CARD10: variants seen among roughly 807,000 people sequenced by gnomAD.
The protein encoded by CARD10 is caspase recruitment domain-containing protein 10.
In CARD10, 49 loss-of-function variants were observed where a neutral mutation model predicts 114.6. That is an observed-to-expected ratio of 0.43 (90% CI 0.34 to 0.54). The LOEUF is 0.54. Ranked by LOEUF, CARD10 falls within the 20% of genes least tolerant of loss-of-function variation. The pLI is 0.03. For synonymous variants in CARD10, 602 were observed against 593.2 expected (o/e 1.01, Z -0.21); for missense variants, 1,206 against 1,397.2 (o/e 0.86, Z 2.18).
intron 3 of CARD10, among the ~76,000 whole-genome samples, chr22:37,510,846 G>A (rs576349266): frequency 1.3e-4 from 20 of 152,228 alleles, no homozygotes; most frequent in Admixed American, 6.5e-4. Flanking sequence ...AGGCTGAGGC[G>A]GGCCCTCAGT....
At position 37,504,573 on chromosome 22, in the gene CARD10, C is replaced by T; in HGVS notation, c.1518+62G>A. 17 of 1,459,944 alleles carry T rather than the reference C, an allele frequency of 1.2e-5. 1 individual carries two copies. The South Asian group carries it at 2.5e-4, about 22-fold the overall frequency. The allele number at this position is 1,459,944 out of a possible 1,614,324, so 90.4% of individuals were successfully genotyped here. A position where few individuals can be genotyped will look rare whatever the true frequency, so the allele number is the denominator to read the frequency against. On this transcript the variant is annotated intron_variant, in intron 8 of 19. Transcript: ENST00000251973. ...AAATGGATCCTTCAGAAAGCACTCT[C>T]CACATTAGTAATAATGCTATAGCAG... is the stretch of plus-strand genomic sequence containing the variant.
intron 7 of CARD10, among the ~76,000 whole-genome samples, chr22:37,505,307 A>AT (rs1331101065): frequency 4.6e-5 from 7 of 152,016 alleles, no homozygotes; most frequent in Non-Finnish European, 1.0e-4. Context: ...ATTAATGCTG[A>AT]CTTTTCCTAT....
rs373915680 is a variant in CARD10 at position 37,495,841 on chromosome 22, C to T, written c.2222G>A (p.Arg741Gln). ...ILRLVDSAYK[R>Q]RQEWFCTRVD... ...CCGGGTGCAGAACCATTCCTGCCTCCGCTTGTATGCCGAGTCCACCAGTCG... is the reference window on the plus strand; with the variant it reads ...CCGGGTGCAGAACCATTCCTGCCTCTGCTTGTATGCCGAGTCCACCAGTCG... The change falls in exon 14 of 20, where the codon CGG (arginine) becomes CAG (glutamine). Residue 741 changes from arginine to glutamine, a missense_variant. Transcript: ENST00000251973. 79 of 1,614,008 alleles carry T rather than the reference C, an allele frequency of 4.9e-5. No individual in the cohort carries two copies. The highest frequency in any genetic ancestry group is 6.4e-5 in the Non-Finnish European group (75 of 1,180,052).
rs866189318 is a variant in CARD10 at position 37,491,762 on chromosome 22, C to T, written c.2857G>A (p.Glu953Lys). The change falls in exon 19 of 20, where the codon GAA (glutamate) becomes AAA (lysine). Residue 953 changes from glutamate (E) to lysine (K), a missense_variant. Glu to Lys is a moderately conservative substitution (Grantham distance 56). Around this residue, in one of 2 missense-constraint regions of CARD10, gnomAD observed 1,068 missense variants for 1,179.1 expected, o/e 0.91. Coordinates refer to ENST00000251973, the MANE Select transcript of CARD10 (RefSeq NM_014550.4). Reference sequence around the variant, plus strand: ...CCCACCCACCCACCTCACCTGACTTCCCGGACATTCTTCTCAGTCACCTCC... The same window carrying T: ...CCCACCCACCCACCTCACCTGACTTTCCGGACATTCTTCTCAGTCACCTCC... Reference protein sequence around the residue: ...HVEVTEKNVREVRGLLGRPGW... With the variant: ...HVEVTEKNVRKVRGLLGRPGW... 4.0e-6 allele frequency: 3 copies of T among 755,718 alleles called. No homozygotes were observed. The highest frequency in any genetic ancestry group is 1.3e-5 in the South Asian group (1 of 75,448). The allele number at this position is 755,718 out of a possible 1,614,324, so 46.8% of individuals were successfully genotyped here.
chr22:37,494,050 G>C, intron 16 of CARD10, 36 bp downstream of exon 16: 1 of 1,416,254 alleles, frequency 7.1e-7, no homozygotes, highest in Non-Finnish European at 9.8e-7. Flanking sequence ...GACAATGGGA[G>C]CAACACGGGA....
At chr22:37,500,689 T>G (rs368715221) in intron 11 of CARD10, among the ~76,000 whole-genome samples, 43 of 152,264 alleles carry the variant, frequency 2.8e-4, no homozygotes, top group African/African-American at 9.4e-4. Flanking sequence ...CATCGGAATC[T>G]CCAACCAGCT....
In CARD10 at chr22:37,504,789, G is replaced by A. The variant is rs1216978010; in HGVS notation, c.1384-20C>T. 3 of 1,484,138 alleles carry A rather than the reference G, an allele frequency of 2.0e-6. No individual in the cohort carries two copies. The highest frequency in any genetic ancestry group is 2.7e-6 in the Non-Finnish European group (3 of 1,111,010). The allele number at this position is 1,484,138 out of a possible 1,614,324, so 91.9% of individuals were successfully genotyped here. A position where few individuals can be genotyped will look rare whatever the true frequency, so the allele number is the denominator to read the frequency against. On this transcript the variant is annotated intron_variant, in intron 7 of 19. Transcript: ENST00000251973. ...ACAGGCCTGGAAGAGGGAGAGGAGA[G>A]GAAGGAGGTGAGCAGTGCTAGGCCC...
intron 4 of CARD10, 123 bp from the exon 5 acceptor site, chr22:37,508,805 C>T: frequency 1.2e-5 from 15 of 1,271,476 alleles, no homozygotes; most frequent in Non-Finnish European, 1.5e-5. Flanking sequence ...CCATGCTGGC[C>T]CGGGGCCTCG....
At chr22:37,512,490 C>T (rs200314928) in intron 3 of CARD10, among the ~76,000 whole-genome samples, 15,906 of 144,840 alleles carry the variant, frequency 0.11, 1,265 homozygotes, top group South Asian at 0.18. Flanking sequence ...CACACACACA[C>T]ACACACACAC....
At chr22:37,518,818 G>A in intron 1 of CARD10, 148 bp downstream of exon 1, 2 of 948,668 alleles carry the variant, frequency 2.1e-6, no homozygotes, top group Non-Finnish European at 3.0e-6. Context: ...GAGGCAGGCT[G>A]GTGGGCATAC....
chr22:37,515,843 C>T (rs995603313), intron 3 of CARD10, 130 bp downstream of exon 3: 14 of 692,230 alleles, frequency 2.0e-5, no homozygotes, highest in Non-Finnish European at 2.6e-5. Context: ...AGTAGGTACA[C>T]CGAGCACTAA....
In CARD10 at chr22:37,490,665, A is replaced by G. The variant is rs1459585413; in HGVS notation, c.*494T>C. 6.4e-6 allele frequency: 1 copy of G among 155,972 alleles called. No individual in the cohort carries two copies. Among genetic ancestry groups the G allele is most frequent in the African/African-American group, 2.4e-5 (1 of 41,522 alleles). The allele number at this position is 155,972 out of a possible 1,614,324, so 9.7% of individuals were successfully genotyped here. A position where few individuals can be genotyped will look rare whatever the true frequency, so the allele number is the denominator to read the frequency against. On this transcript the variant is annotated 3_prime_UTR_variant, in exon 20 of 20. Transcript: ENST00000251973. ...GTGACCATGGGCCAGGGAACACCCCAGTCCATGCATGGCTGAATCCACGAG... is the reference window on the plus strand; with the variant it reads ...GTGACCATGGGCCAGGGAACACCCCGGTCCATGCATGGCTGAATCCACGAG...
chr22:37,513,824 A>G lies in CARD10; in HGVS notation c.699+2149T>C, dbSNP rs143684135. ...CTCAGAAATCCTTCAATCCGGCTGA[A>G]CACAGTGGCTCATGCCTGTAATCCA... is the stretch of plus-strand genomic sequence containing the variant. On this transcript the variant is annotated intron_variant, in intron 3 of 19. Transcript: ENST00000251973. Among the ~76,000 whole-genome samples the G allele has an allele frequency of 4.5e-3, 687 of 152,166 alleles. 3 individuals carry two copies. Among genetic ancestry groups the G allele is most frequent in the Admixed American group, 7.3e-3 (111 of 15,284 alleles).
chr22:37,503,976 CG>C (rs1923312825), intron 9 of CARD10: 1 of 704,264 alleles, frequency 1.4e-6, no homozygotes, highest in Non-Finnish European at 2.7e-6. Context: ...GGACTGAGTT[CG>C]CTCTGCCCAT....
In CARD10 at chr22:37,491,097, CT is replaced by C; in HGVS notation, c.*61del. On this transcript the variant is annotated 3_prime_UTR_variant, in exon 20 of 20. Transcript: ENST00000251973. ...GAAGGCTCAGGGTGGGAGGGCCCAG[CT>C]TCACCATAGACACCAGGGTCCACGC... 7.4e-7 allele frequency: 1 copy of C among 1,354,250 alleles called. No individual in the cohort carries two copies. The highest frequency in any genetic ancestry group is 1.0e-6 in the Non-Finnish European group (1 of 978,654). The allele number at this position is 1,354,250 out of a possible 1,614,324, so 83.9% of individuals were successfully genotyped here.
intron 5 of CARD10, 97 bp downstream of exon 5, chr22:37,508,430 G>A (rs752644465): frequency 8.5e-6 from 11 of 1,287,534 alleles, no homozygotes; most frequent in South Asian, 1.5e-5. Flanking sequence ...TTCTCAGCGC[G>A]GCGCCTGCGT....
chr22:37,505,151 T>G (rs751947628), intron 7 of CARD10, among the ~76,000 whole-genome samples: 1 of 152,036 alleles, frequency 6.6e-6, no homozygotes, highest in Non-Finnish European at 1.5e-5. Flanking sequence ...CTGTGATGCA[T>G]TCCAGTTGAA....
intron 3 of CARD10, among the ~76,000 whole-genome samples, chr22:37,512,465 CCACACACACACACACACA>C (rs36080549): frequency 2.1e-4 from 24 of 113,856 alleles, no homozygotes; most frequent in South Asian, 3.3e-4. Context: ...AGCCCCCCCT[CCACACACACACACACACA>C]CACACACACA....
At position 37,492,360 on chromosome 22, in the gene CARD10, G is replaced by A. The variant is rs1404353777; in HGVS notation, c.2751+75C>T. The A allele has an allele frequency of 5.3e-6, 6 of 1,139,872 alleles. No individual in the cohort carries two copies. In the African/African-American group the frequency reaches 7.7e-5, roughly 15 times the overall value. The allele number at this position is 1,139,872 out of a possible 1,614,324, so 70.6% of individuals were successfully genotyped here. A position where few individuals can be genotyped will look rare whatever the true frequency, so the allele number is the denominator to read the frequency against. ...GAGCATGGCCCGCGCTCAGACGCTG[G>A]CGCTCAAGCCCAGAACAGCAGCACC... On this transcript the variant is annotated intron_variant, in intron 18 of 19. Transcript: ENST00000251973. This position sits in a 1 kb window ranked among gnomAD's most constrained non-coding sequence, Gnocchi z 5.7.
Sources: allele counts gnomAD v4.1 joint callset (sites outside exome capture counted in the v4.1 genomes callset), GRCh38; gene constraint gnomAD v4.1.1; regional missense constraint gnomAD v4.1.1; non-coding constraint Gnocchi (gnomAD v3.1); transcripts MANE v1.5; gene names NCBI Gene and HGNC (gene_info 2026-07-23, HGNC 2026-07-21).